Variants in PSKH1 observed in about 807,000 individuals in gnomAD.
PSKH1 encodes the protein serine/threonine-protein kinase H1.
PSKH1 carries 12 observed loss-of-function variants against 26.7 expected under a neutral mutation model. The ratio of observed to expected loss-of-function variants is 0.45; its 90% CI spans 0.29 to 0.73. The LOEUF is 0.73. Ranked by LOEUF, PSKH1 falls within the 30% of genes least tolerant of loss-of-function variation. PSKH1 has a pLI of 0.11. For synonymous variants in PSKH1, 213 were observed against 234.3 expected, an observed-to-expected ratio of 0.91 and a Z score of 0.83; for missense variants, 431 against 595.2, an observed-to-expected ratio of 0.72 and a Z score of 2.87.
At chr16:67,897,512 G>A (rs2058129716) in intron 1 of PSKH1, among the ~76,000 whole-genome samples, 1 of 152,154 alleles carries the variant, frequency 6.6e-6, no homozygotes, top group South Asian at 2.1e-4. Context: ...ATGTATCAAG[G>A]GACTCTTGGT....
chr16:67,897,484 C>T (rs2058129637), intron 1 of PSKH1, among the ~76,000 whole-genome samples: 1 of 152,134 alleles, frequency 6.6e-6, no homozygotes, highest in Non-Finnish European at 1.5e-5. Flanking sequence ...AATGGCCTCT[C>T]AGGGCATCCT....
intron 2 of PSKH1, among the ~76,000 whole-genome samples, chr16:67,916,706 T>C (rs1016637371): frequency 1.3e-5 from 2 of 152,084 alleles, no homozygotes; most frequent in African/African-American, 2.4e-5. Flanking sequence ...TTCCATCCTG[T>C]CCTCCTGGGG....
At position 67,909,827 on chromosome 16, in the gene PSKH1, T is replaced by C; in HGVS notation, c.957+121T>C. ...ATGCTCGTGAGGGCCAGGCAGGTCA[T>C]ATAAAAGGGACAAAGTGAGACTATC... On this transcript the variant is annotated intron_variant, in intron 2 of 2. Transcript: ENST00000291041. This position sits in a 1 kb window ranked among gnomAD's most constrained non-coding sequence, Gnocchi z 7.8. 2 of 901,484 alleles carry C rather than the reference T, an allele frequency of 2.2e-6. No homozygotes were observed. The highest frequency in any genetic ancestry group is 3.4e-6 in the Non-Finnish European group (2 of 596,406). 55.8% of individuals were successfully genotyped at this position (901,484 alleles called of 1,614,324 possible).
At chr16:67,913,636 T>C (rs1315571853) in intron 2 of PSKH1, among the ~76,000 whole-genome samples, 1 of 152,132 alleles carries the variant, frequency 6.6e-6, no homozygotes, top group Non-Finnish European at 1.5e-5. Flanking sequence ...TCTAGCGATG[T>C]CTGTCCTCAC....
Position 67,908,922 on chromosome 16 carries a change from A to G in PSKH1, c.173A>G (p.Tyr58Cys), listed in dbSNP as rs372174162. ...GCCGGGTTCCCAGCAGCAAGTCAGT[A>G]TGCACACCCCTGCCCCGGTCCCCCG... ...VKAGFPAASQ[Y>C]AHPCPGPPTA... The change falls in exon 2 of 3, where the codon TAT (tyrosine) becomes TGT (cysteine). Residue 58 changes from tyrosine (Y) to cysteine (C), a missense_variant. Coordinates refer to ENST00000291041, the MANE Select transcript of PSKH1 (RefSeq NM_006742.3). 52 of 1,613,972 alleles carry G rather than the reference A, an allele frequency of 3.2e-5. No homozygotes were observed. The highest frequency in any genetic ancestry group is 4.1e-5 in the Non-Finnish European group (48 of 1,180,004).
At chr16:67,899,930 T>C (rs1007324745) in intron 1 of PSKH1, among the ~76,000 whole-genome samples, 8 of 151,746 alleles carry the variant, frequency 5.3e-5, no homozygotes, top group African/African-American at 9.7e-5. Flanking sequence ...ATTCCAGGCA[T>C]GAGCCACTGT....
chr16:67,924,713 G>C (rs191651123), intron 2 of PSKH1, among the ~76,000 whole-genome samples: 157 of 152,334 alleles, frequency 1.0e-3, no homozygotes, highest in Non-Finnish European at 3.5e-4. Context: ...CCAGCAACAG[G>C]CCAGACTGAG....
At chr16:67,904,466 A>G (rs901011908) in intron 1 of PSKH1, among the ~76,000 whole-genome samples, 1 of 151,838 alleles carries the variant, frequency 6.6e-6, no homozygotes, top group Non-Finnish European at 1.5e-5. Context: ...GGCCTCCCAT[A>G]GTGCTGGGAT....
Position 67,909,125 on chromosome 16 carries a change from A to T in PSKH1, c.376A>T (p.Ile126Phe). ...EHRATRQPYA[I>F]KMIETKYREG... Reference sequence around the variant, plus strand: ...CCGGGCAACCCGGCAGCCGTATGCCATCAAGATGATTGAGACCAAGTACCG... The same window carrying T: ...CCGGGCAACCCGGCAGCCGTATGCCTTCAAGATGATTGAGACCAAGTACCG... Residue 126 changes from isoleucine to phenylalanine, a missense_variant, in exon 2 of 3, where the codon ATC (isoleucine) becomes TTC (phenylalanine). Ile to Phe is a conservative substitution (Grantham distance 21). Coordinates refer to ENST00000291041, the MANE Select transcript of PSKH1 (RefSeq NM_006742.3). The surrounding 1 kb of genome is among the most constrained non-coding windows in gnomAD (Gnocchi z 7.8). The T allele has an allele frequency of 6.2e-7, 1 of 1,614,170 alleles. No homozygotes were observed. Among genetic ancestry groups the T allele is most frequent in the Non-Finnish European group, 8.5e-7 (1 of 1,180,032 alleles).
Position 67,908,962 on chromosome 16 carries a change from G to C in PSKH1, c.213G>C (p.Thr71=). The change falls in exon 2 of 3, where the codon ACG becomes ACC. Residue 71 remains threonine (T), a synonymous_variant. Coordinates refer to ENST00000291041, the MANE Select transcript of PSKH1 (RefSeq NM_006742.3). ...PCPGPPTAGH[T]EPPSEPPRRA... is the part of the protein sequence containing the mutation. ...CCGGTCCCCCGACTGCTGGCCACAC[G>C]GAGCCTCCCTCAGAACCACCACGCA... The C allele has an allele frequency of 6.2e-7, 1 of 1,613,912 alleles. No individual in the cohort carries two copies. The highest frequency in any genetic ancestry group is 8.5e-7 in the Non-Finnish European group (1 of 1,179,880).
intron 2 of PSKH1, among the ~76,000 whole-genome samples, chr16:67,922,874 G>C (rs879370749): frequency 6.6e-6 from 1 of 152,194 alleles, no homozygotes; most frequent in African/African-American, 2.4e-5. Context: ...GTCTAGGGCC[G>C]CCCTGTAAGC....
intron 2 of PSKH1, among the ~76,000 whole-genome samples, chr16:67,923,629 G>A (rs1447368957): frequency 6.6e-6 from 1 of 152,202 alleles, no homozygotes; most frequent in Non-Finnish European, 1.5e-5. Context: ...CTCCACGTCG[G>A]CCCAGAAGCA....
chr16:67,915,349 T>C (rs1362414258), intron 2 of PSKH1, among the ~76,000 whole-genome samples: 1 of 152,100 alleles, frequency 6.6e-6, no homozygotes, highest in East Asian at 1.9e-4. Flanking sequence ...GTGGCCCTTA[T>C]CTGTGACCAG....
intron 1 of PSKH1, among the ~76,000 whole-genome samples, chr16:67,896,476 TTG>T (rs2058126754): frequency 6.6e-6 from 1 of 152,014 alleles, no homozygotes; most frequent in African/African-American, 2.4e-5. Context: ...CTGCTTTGTA[TTG>T]TGTGATTTCC....
At chr16:67,925,470 G>T (rs549548105) in intron 2 of PSKH1, among the ~76,000 whole-genome samples, 1 of 152,204 alleles carries the variant, frequency 6.6e-6, no homozygotes, top group African/African-American at 2.4e-5. Flanking sequence ...GGGATTACAG[G>T]CATGAGCCAC....
chr16:67,922,881 A>C (rs1354476259), intron 2 of PSKH1, among the ~76,000 whole-genome samples: 1 of 152,186 alleles, frequency 6.6e-6, no homozygotes, highest in Non-Finnish European at 1.5e-5. Context: ...GCCGCCCTGT[A>C]AGCTGTGTTT....
At chr16:67,896,919 C>G (rs2058128275) in intron 1 of PSKH1, among the ~76,000 whole-genome samples, 1 of 152,120 alleles carries the variant, frequency 6.6e-6, no homozygotes, top group Non-Finnish European at 1.5e-5. Flanking sequence ...ACAGAATGCC[C>G]CTACAGAAGT....
At chr16:67,901,096 C>T (rs1832525562) in intron 1 of PSKH1, among the ~76,000 whole-genome samples, 1 of 152,146 alleles carries the variant, frequency 6.6e-6, no homozygotes, top group Non-Finnish European at 1.5e-5. Context: ...ATTGTCCCCA[C>T]CTCTCAGCCA....
chr16:67,901,257 CTA>C (rs1339689671), intron 1 of PSKH1, among the ~76,000 whole-genome samples: 1 of 152,174 alleles, frequency 6.6e-6, no homozygotes, highest in East Asian at 1.9e-4. Flanking sequence ...GTGAGAGAAA[CTA>C]TGTCTCAGGA....
Sources: allele counts gnomAD v4.1 joint callset (sites outside exome capture counted in the v4.1 genomes callset), GRCh38; gene constraint gnomAD v4.1.1; non-coding constraint Gnocchi (gnomAD v3.1); transcripts MANE v1.5; gene names NCBI Gene and HGNC (gene_info 2026-07-23, HGNC 2026-07-21).